PHACTR1: variants seen among roughly 807,000 people sequenced by gnomAD.
The protein encoded by PHACTR1 is phosphatase and actin regulator 1, also known as RPEL repeat containing 1.
In PHACTR1, 16 loss-of-function variants were observed where a neutral mutation model predicts 69.2. The ratio of observed to expected loss-of-function variants is 0.23; its 90% CI spans 0.16 to 0.35. PHACTR1 has a LOEUF of 0.35. Ranked by LOEUF, PHACTR1 falls within the 10% of genes least tolerant of loss-of-function variation. The probability of loss-of-function intolerance (pLI) is 1.00; values close to 1 mark genes in which losing one functional copy is unlikely to be tolerated. For synonymous variants in PHACTR1, 312 were observed against 284.5 expected, an observed-to-expected ratio of 1.10 and a Z score of -0.97; for missense variants, 510 against 734.7, an observed-to-expected ratio of 0.69 and a Z score of 3.54.
chr6:12,821,615 T>C (rs1411093085), intron 4 of PHACTR1, among the ~76,000 whole-genome samples: 5 of 152,134 alleles, frequency 3.3e-5, no homozygotes, highest in Non-Finnish European at 4.4e-5. Flanking sequence ...ATTTAGTCTT[T>C]CAATGTCTCT....
At chr6:12,723,284 G>C (rs141290529) in intron 3 of PHACTR1, among the ~76,000 whole-genome samples, 1 of 152,004 alleles carries the variant, frequency 6.6e-6, no homozygotes, top group East Asian at 1.9e-4. Flanking sequence ...TACCCAGAGT[G>C]TGATCCCAGA....
At chr6:13,023,269 C>A (rs1435257214) in intron 4 of PHACTR1, among the ~76,000 whole-genome samples, 1 of 152,116 alleles carries the variant, frequency 6.6e-6, no homozygotes, top group African/African-American at 2.4e-5. Flanking sequence ...TGTGGAGTAT[C>A]TTTAGTGTTC....
intron 5 of PHACTR1, among the ~76,000 whole-genome samples, chr6:13,111,290 T>A (rs1160164817): frequency 2.6e-5 from 4 of 152,220 alleles, no homozygotes; most frequent in South Asian, 2.1e-4. Context: ...CAATTTTTTT[T>A]AAATTTCCAA....
chr6:13,195,336 T>C (rs73371773), intron 7 of PHACTR1, among the ~76,000 whole-genome samples: 3,720 of 152,278 alleles, frequency 0.024, 133 homozygotes, highest in East Asian at 0.19. Flanking sequence ...CTGCAACTAG[T>C]TGGCAAATGA....
At position 13,013,896 on chromosome 6, in the gene PHACTR1, C is replaced by T. The variant is rs1398289206; in HGVS notation, c.251-39469C>T. 5.3e-5 allele frequency among the ~76,000 whole-genome samples: 8 copies of T among 149,814 alleles called. No individual in the cohort carries two copies. Among genetic ancestry groups the T allele is most frequent in the African/African-American group, 1.7e-4 (7 of 41,182 alleles). On this transcript the variant is annotated intron_variant, in intron 4 of 14. Transcript: ENST00000332995. ...GGCGCCCGGGGGCCGGATGGCGGAG[C>T]CCACGCGCTCAGCGAAGCCGGGGAG...
chr6:13,286,236 GT>G lies in PHACTR1; in HGVS notation c.1727+24del, dbSNP rs750206884. On this transcript the variant is annotated intron_variant, in intron 14 of 14. Coordinates refer to ENST00000332995, the MANE Select transcript of PHACTR1 (RefSeq NM_030948.6). The stretch of plus-strand genomic sequence containing the variant: ...ACACTTAACAAGGTTAGTATTAAGG[GT>G]TTTTTTTTTCCTTTTTTTCCCTCAA... 7.1e-4 allele frequency: 1,013 copies of G among 1,433,668 alleles called. No individual in the cohort carries two copies. Among genetic ancestry groups the G allele is most frequent in the East Asian group, 2.5e-3 (100 of 39,660 alleles). 88.8% of individuals were successfully genotyped at this position (1,433,668 alleles called of 1,614,324 possible). A position where few individuals can be genotyped will look rare whatever the true frequency, so the allele number is the denominator to read the frequency against.
At chr6:13,248,727 G>GT (rs1773933382) in intron 10 of PHACTR1, among the ~76,000 whole-genome samples, 1 of 152,114 alleles carries the variant, frequency 6.6e-6, no homozygotes, top group South Asian at 2.1e-4. Context: ...TTTAGCTGCC[G>GT]TAAGTGGAGG....
intron 4 of PHACTR1, among the ~76,000 whole-genome samples, chr6:12,804,342 T>G (rs1466189156): frequency 1.3e-5 from 2 of 152,216 alleles, no homozygotes; most frequent in Admixed American, 6.5e-5. Context: ...CCATAAATTT[T>G]TCTGATTTCT....
intron 4 of PHACTR1, among the ~76,000 whole-genome samples, chr6:12,945,222 C>A (rs73364135): frequency 0.034 from 5,236 of 152,182 alleles, 316 homozygotes; most frequent in African/African-American, 0.12. Context: ...CATATAAAAC[C>A]ACTTCCTCCA....
chr6:12,817,691 C>T (rs1021473868), intron 4 of PHACTR1, among the ~76,000 whole-genome samples: 27 of 152,044 alleles, frequency 1.8e-4, no homozygotes, highest in African/African-American at 4.6e-4. Context: ...CCTTTTCAAA[C>T]AGTAAGGTGG....
intron 4 of PHACTR1, among the ~76,000 whole-genome samples, chr6:12,880,199 C>G (rs1434950974): frequency 6.6e-6 from 1 of 151,242 alleles, no homozygotes; most frequent in African/African-American, 2.4e-5. Context: ...TTCATACTCT[C>G]AGATTGTCTC....
chr6:12,978,379 G>T (rs566270264), intron 4 of PHACTR1, among the ~76,000 whole-genome samples: 22 of 152,222 alleles, frequency 1.4e-4, no homozygotes, highest in African/African-American at 4.6e-4. Context: ...TTCTTGCCAG[G>T]CTCTCAGGAC....
At chr6:13,241,408 C>A (rs1471759171) in intron 10 of PHACTR1, among the ~76,000 whole-genome samples, 2 of 152,168 alleles carry the variant, frequency 1.3e-5, no homozygotes, top group Admixed American at 6.5e-5. Context: ...ATCAGAAATT[C>A]TTGGGCCGGG....
At chr6:13,180,515 C>G (rs776704986) in intron 6 of PHACTR1, among the ~76,000 whole-genome samples, 1 of 152,182 alleles carries the variant, frequency 6.6e-6, no homozygotes, top group African/African-American at 2.4e-5. Context: ...TTCTATGGTA[C>G]TCTTAACTGT....
intron 5 of PHACTR1, among the ~76,000 whole-genome samples, chr6:13,085,950 C>A (rs1382322300): frequency 6.6e-6 from 1 of 150,594 alleles, no homozygotes; most frequent in Non-Finnish European, 1.5e-5. Context: ...TGAAAAGAGC[C>A]AAAATTAATG....
intron 3 of PHACTR1, among the ~76,000 whole-genome samples, chr6:12,745,788 C>T (rs1028390564): frequency 4.6e-5 from 7 of 152,166 alleles, no homozygotes; most frequent in East Asian, 3.8e-4. Flanking sequence ...AGTTAGGCAG[C>T]GCCTTTAAGA....
chr6:13,127,566 T>TA (rs988889667), intron 5 of PHACTR1, among the ~76,000 whole-genome samples: 25 of 152,212 alleles, frequency 1.6e-4, no homozygotes, highest in African/African-American at 5.5e-4. Context: ...AGAGACCCTG[T>TA]AAAAAAGAAA....
At chr6:12,748,729 A>G (rs1016607562) in intron 3 of PHACTR1, among the ~76,000 whole-genome samples, 9 of 152,238 alleles carry the variant, frequency 5.9e-5, no homozygotes, top group Non-Finnish European at 1.2e-4. Context: ...CAACCCAAAC[A>G]CTATTATTTG....
At chr6:12,818,301 A>T (rs1775817333) in intron 4 of PHACTR1, among the ~76,000 whole-genome samples, 1 of 152,138 alleles carries the variant, frequency 6.6e-6, no homozygotes, top group South Asian at 2.1e-4. Flanking sequence ...GGATGGCCTC[A>T]CTCACGTGTC....
Sources: gnomAD v4.1 joint callset for allele counts (sites outside exome capture counted in the v4.1 genomes callset) on GRCh38, gnomAD v4.1.1 for gene constraint, MANE v1.5 for transcripts, NCBI Gene and HGNC (gene_info 2026-07-23, HGNC 2026-07-21) for gene names.